The following KIF26B variants were observed in gnomAD, a reference collection of about 807,000 sequenced individuals.
KIF26B encodes the protein kinesin family member 26B, also known as kinesin-like protein KIF26B.
A neutral mutation model predicts 151.2 loss-of-function variants in KIF26B; 63 were observed. The observed-to-expected ratio is 0.42, with a 90% confidence interval of 0.34 to 0.51. KIF26B has a LOEUF of 0.51. Ranked by LOEUF, KIF26B falls within the 20% of genes least tolerant of loss-of-function variation. The probability of loss-of-function intolerance (pLI) is 0.07; values close to 1 mark genes in which losing one functional copy is unlikely to be tolerated. For synonymous variants in KIF26B, 1,357 were observed against 1,262.1 expected (o/e 1.08, Z -1.59); for missense variants, 2,813 against 2,913.6 (o/e 0.97, Z 0.79).
intron 9 of KIF26B, among the ~76,000 whole-genome samples, chr1:245,615,517 A>G (rs1210001414): frequency 6.6e-6 from 1 of 152,246 alleles, no homozygotes; most frequent in Non-Finnish European, 1.5e-5. Context: ...CCCTAAACCC[A>G]GTGATCCACC....
chr1:245,221,506 C>A (rs1669773734), intron 2 of KIF26B, among the ~76,000 whole-genome samples: 1 of 151,528 alleles, frequency 6.6e-6, no homozygotes, highest in African/African-American at 2.4e-5. Flanking sequence ...TTCCCCTGTT[C>A]AAACCATCTC....
At chr1:245,520,850 G>A (rs1277838962) in intron 4 of KIF26B, among the ~76,000 whole-genome samples, 1 of 152,184 alleles carries the variant, frequency 6.6e-6, no homozygotes, top group Non-Finnish European at 1.5e-5. Flanking sequence ...GAACATTGTA[G>A]GATGAATGTT....
chr1:245,448,087 G>A (rs819744), intron 4 of KIF26B, among the ~76,000 whole-genome samples: 143,810 of 152,368 alleles, frequency 0.94, 67,896 homozygotes, highest in East Asian at 1. Context: ...AGGAAGACAC[G>A]TTGAAAGCAC....
At chr1:245,266,261 C>A (rs1317365057) in intron 2 of KIF26B, among the ~76,000 whole-genome samples, 1 of 152,118 alleles carries the variant, frequency 6.6e-6, no homozygotes, top group Non-Finnish European at 1.5e-5. Flanking sequence ...TGATACCAAC[C>A]AGACTGGTGA....
intron 2 of KIF26B, among the ~76,000 whole-genome samples, chr1:245,262,466 T>A (rs1369120087): frequency 6.6e-6 from 1 of 152,152 alleles, no homozygotes; most frequent in Non-Finnish European, 1.5e-5. Context: ...TTTTTATTTT[T>A]TTTTGAGATG....
chr1:245,511,099 C>A, intron 4 of KIF26B: 1 of 717,386 alleles, frequency 1.4e-6, no homozygotes, highest in Non-Finnish European at 2.6e-6. Context: ...TTAGCCATGA[C>A]TTATCAATGA....
chr1:245,224,285 C>CA (rs202239795), intron 2 of KIF26B, among the ~76,000 whole-genome samples: 35,971 of 98,978 alleles, frequency 0.36, 4,756 homozygotes, highest in East Asian at 0.58. Flanking sequence ...AACTCCGTCT[C>CA]AAAGAAAAAA....
chr1:245,418,568 C>T (rs576389292), intron 3 of KIF26B, among the ~76,000 whole-genome samples: 77 of 152,302 alleles, frequency 5.1e-4, no homozygotes, highest in African/African-American at 1.8e-3. Context: ...GAAACTGTTC[C>T]GGATCTTTGC....
intron 3 of KIF26B, among the ~76,000 whole-genome samples, chr1:245,386,120 A>C (rs969496647): frequency 2.0e-5 from 3 of 152,152 alleles, no homozygotes; most frequent in African/African-American, 7.2e-5. Flanking sequence ...ACACACCTGT[A>C]ATCCCAGCTA....
At chr1:245,331,629 G>A (rs1030156025) in intron 2 of KIF26B, among the ~76,000 whole-genome samples, 2 of 152,142 alleles carry the variant, frequency 1.3e-5, no homozygotes, top group African/African-American at 4.8e-5. Context: ...ATTTTCCATG[G>A]AGCTCTAGTT....
rs190370049 is a variant in KIF26B at position 245,391,431 on chromosome 1, A to C, written c.999+24064A>C. On this transcript the variant is annotated intron_variant, in intron 3 of 14. Transcript: ENST00000407071. ...CTTTATGAGGCTGGGTTTTCTTTAG[A>C]TATCTCAACGGAAACCACATATCCA... Among the ~76,000 whole-genome samples the C allele has an allele frequency of 9.9e-4, 151 of 152,282 alleles. 1 individual carries two copies. Among genetic ancestry groups the C allele is most frequent in the African/African-American group, 3.6e-3 (149 of 41,562 alleles).
At chr1:245,347,303 T>C (rs1172908376) in intron 2 of KIF26B, among the ~76,000 whole-genome samples, 1 of 151,864 alleles carries the variant, frequency 6.6e-6, no homozygotes, top group African/African-American at 2.4e-5. Context: ...CCCCTTTCTT[T>C]TCTTTCTTTC....
At chr1:245,462,350 C>T (rs669314) in intron 4 of KIF26B, among the ~76,000 whole-genome samples, 100,941 of 151,932 alleles carry the variant, frequency 0.66, 33,568 homozygotes, top group African/African-American at 0.7. Context: ...TACATATGCA[C>T]GCGTAGTGTT....
intron 2 of KIF26B, among the ~76,000 whole-genome samples, chr1:245,265,126 C>T (rs945393058): frequency 2.7e-5 from 4 of 146,724 alleles, no homozygotes; most frequent in East Asian, 2.0e-4. Context: ...GGTGTGAACC[C>T]GGGAGGCGGA....
chr1:245,560,410 G>C lies in KIF26B; in HGVS notation c.1350+19460G>C, dbSNP rs999147288. Among the ~76,000 whole-genome samples the C allele has an allele frequency of 7.9e-5, 12 of 152,098 alleles. No homozygotes were observed. Among genetic ancestry groups the C allele is most frequent in the Non-Finnish European group, 1.8e-4 (12 of 68,030 alleles). ...TTGCTATTTTCTTTCTTTCCTGTGA[G>C]ATAAAAATGTACCTTATGGTATTAC... is the stretch of plus-strand genomic sequence containing the variant. On this transcript the variant is annotated intron_variant, in intron 5 of 14. Coordinates refer to ENST00000407071, the MANE Select transcript of KIF26B (RefSeq NM_018012.4). This position sits in a 1 kb window ranked among gnomAD's most constrained non-coding sequence, Gnocchi z 4.3.
chr1:245,333,731 C>T (rs1672164150), intron 2 of KIF26B, among the ~76,000 whole-genome samples: 2 of 152,244 alleles, frequency 1.3e-5, no homozygotes, highest in Admixed American at 1.3e-4. Context: ...GGTGTGGTGG[C>T]TCATACCTGT....
intron 9 of KIF26B, among the ~76,000 whole-genome samples, chr1:245,638,875 T>A (rs1273607528): frequency 1.3e-5 from 2 of 151,844 alleles, no homozygotes; most frequent in African/African-American, 4.8e-5. Flanking sequence ...TATATTGCTG[T>A]CTTCTGTTTA....
chr1:245,650,610 C>T (rs908165402), intron 10 of KIF26B, among the ~76,000 whole-genome samples: 5 of 152,260 alleles, frequency 3.3e-5, no homozygotes, highest in Admixed American at 6.5e-5. Context: ...GTCATGCAGG[C>T]GTCCTTCAAG....
intron 10 of KIF26B, among the ~76,000 whole-genome samples, chr1:245,649,091 C>T (rs2043984461): frequency 6.6e-6 from 1 of 152,232 alleles, no homozygotes; most frequent in African/African-American, 2.4e-5. Flanking sequence ...TTTGTTCTGT[C>T]ACCCCTCAGT....
Sources: gnomAD v4.1 joint callset for allele counts (sites outside exome capture counted in the v4.1 genomes callset) on GRCh38, gnomAD v4.1.1 for gene constraint, Gnocchi (gnomAD v3.1) non-coding constraint, MANE v1.5 for transcripts, NCBI Gene and HGNC (gene_info 2026-07-23, HGNC 2026-07-21) for gene names.